VPS13D: variants seen among roughly 807,000 people sequenced by gnomAD.
The protein encoded by VPS13D is intermembrane lipid transfer protein VPS13D.
In VPS13D, 187 loss-of-function variants were observed where a neutral mutation model predicts 461.9. That is an observed-to-expected ratio of 0.40 (90% confidence interval 0.36 to 0.46). The LOEUF is 0.46. VPS13D is among the 20% of genes least tolerant of loss of function. The pLI is 0.60. For synonymous variants in VPS13D, 1,951 were observed against 1,986.3 expected (o/e 0.98, Z 0.47); for missense variants, 4,711 against 5,364.9 (o/e 0.88, Z 3.81).
chr1:12,232,637 CTTTTTTTTTTT>C (rs772757546), intron 1 of VPS13D, among the ~76,000 whole-genome samples: 20 of 71,026 alleles, frequency 2.8e-4, no homozygotes, highest in East Asian at 1.2e-3. Flanking sequence ...TAAAATTAGT[CTTTTTTTTTTT>C]TTTTTTTTTT....
chr1:12,305,357 A>G (rs1336809828), intron 26 of VPS13D, among the ~76,000 whole-genome samples: 1 of 151,894 alleles, frequency 6.6e-6, no homozygotes, highest in Non-Finnish European at 1.5e-5. Flanking sequence ...TTACTGCAGC[A>G]CTGACCTCCT....
At chr1:12,441,484 G>T (rs995021065) in intron 65 of VPS13D, among the ~76,000 whole-genome samples, 3 of 152,178 alleles carry the variant, frequency 2.0e-5, no homozygotes, top group African/African-American at 7.2e-5. Flanking sequence ...TCACACAACA[G>T]TCGGATACCC....
intron 67 of VPS13D, among the ~76,000 whole-genome samples, chr1:12,472,438 T>C (rs1645575527): frequency 6.6e-6 from 1 of 152,224 alleles, no homozygotes; most frequent in African/African-American, 2.4e-5. Flanking sequence ...GCCTATCTGT[T>C]TCTCCTTTAT....
chr1:12,289,772 C>G (rs1399262998), intron 22 of VPS13D, among the ~76,000 whole-genome samples: 1 of 151,730 alleles, frequency 6.6e-6, no homozygotes, highest in African/African-American at 2.4e-5. Flanking sequence ...CTCATCTCTA[C>G]AAAAATAGTA....
At chr1:12,413,617 G>T (rs545622450) in intron 63 of VPS13D, among the ~76,000 whole-genome samples, 1 of 152,072 alleles carries the variant, frequency 6.6e-6, no homozygotes, top group Non-Finnish European at 1.5e-5. Flanking sequence ...GACTACAGGC[G>T]CACGCCACCA....
intron 32 of VPS13D, among the ~76,000 whole-genome samples, chr1:12,320,286 C>A (rs79691345): frequency 0.044 from 6,682 of 152,178 alleles, 218 homozygotes; most frequent in South Asian, 0.093. Context: ...TCTTGTTAAG[C>A]CATGGGGTGT....
At chr1:12,406,480 C>T (rs1288088418) in intron 63 of VPS13D, among the ~76,000 whole-genome samples, 1 of 152,122 alleles carries the variant, frequency 6.6e-6, no homozygotes, top group Non-Finnish European at 1.5e-5. Context: ...GACTCCAGGC[C>T]AGAAGTGAGA....
At chr1:12,335,039 A>T (rs1377163050) in intron 38 of VPS13D, among the ~76,000 whole-genome samples, 1 of 152,202 alleles carries the variant, frequency 6.6e-6, no homozygotes, top group Admixed American at 6.5e-5. Flanking sequence ...GTTTTTGTTA[A>T]CCTGCTATCC....
At chr1:12,499,663 G>A (rs1646008644) in intron 68 of VPS13D, 1 of 985,322 alleles carries the variant, frequency 1.0e-6, no homozygotes, top group Admixed American at 6.1e-5. Context: ...TGACTTTAAA[G>A]ATGAAAACCA....
chr1:12,346,861 T>A (rs28510845), intron 44 of VPS13D, among the ~76,000 whole-genome samples: 1,837 of 152,338 alleles, frequency 0.012, 18 homozygotes, highest in Non-Finnish European at 0.021. Flanking sequence ...TGAGACTAAG[T>A]ATTACAGGGA....
At chr1:12,428,122 A>T (rs1024083152) in intron 65 of VPS13D, among the ~76,000 whole-genome samples, 6 of 152,200 alleles carry the variant, frequency 3.9e-5, no homozygotes, top group African/African-American at 1.4e-4. Flanking sequence ...AGTGTTGGGG[A>T]TGAGGGAGAA....
Position 12,385,276 on chromosome 1 carries a change from A to G in VPS13D, c.11387A>G (p.His3796Arg). 1 of 1,613,646 alleles carries G rather than the reference A, an allele frequency of 6.2e-7. No homozygotes were observed. Among genetic ancestry groups the G allele is most frequent in the Non-Finnish European group, 8.5e-7 (1 of 1,179,816 alleles). Residue 3796 changes from histidine to arginine, a missense_variant, in exon 59 of 70, where the codon CAC becomes CGC. Around this residue, in one of 3 missense-constraint regions of VPS13D, gnomAD observed 4,411 missense variants for 4,937.8 expected, o/e 0.89. Transcript: ENST00000620676. Reference protein sequence around the residue: ...TRALQITDFCHRKSSRSYEVD... With the variant: ...TRALQITDFCRRKSSRSYEVD... ...TGACTTCAGATAACAGATTTCTGCC[A>G]CCGGAAAAGCAGCCGTTCATATGAA...
Position 12,401,699 on chromosome 1 carries a change from A to G in VPS13D, c.11876A>G (p.Glu3959Gly). ...AGTTTCTTTGGCTACGATCAAGCAG[A>G]ATCAGGTAATGTTGAATGTTCTATG... ...LLSFFGYDQA[E>G]SEVEKYDENL... The change falls in exon 62 of 70, where the codon GAA becomes GGA. Residue 3959 changes from glutamate (E) to glycine (G), a missense_variant. Transcript: ENST00000620676. 6.2e-7 allele frequency: 1 copy of G among 1,612,736 alleles called. No individual in the cohort carries two copies. Among genetic ancestry groups the G allele is most frequent in the Non-Finnish European group, 8.5e-7 (1 of 1,178,846 alleles).
intron 67 of VPS13D, among the ~76,000 whole-genome samples, chr1:12,487,728 T>A (rs1645817354): frequency 1.3e-5 from 2 of 152,144 alleles, no homozygotes; most frequent in African/African-American, 4.8e-5. Context: ...GCTTCAGGGC[T>A]TCCCAGGGGA....
chr1:12,267,774 A>G (rs965702781), intron 14 of VPS13D, 71 bp from the exon 15 acceptor site: 24 of 1,360,036 alleles, frequency 1.8e-5, no homozygotes, highest in Non-Finnish European at 2.5e-5. Flanking sequence ...CTGAAGGGTA[A>G]GATGGGTTTG....
intron 2 of VPS13D, among the ~76,000 whole-genome samples, chr1:12,239,690 CT>C (rs1640282241): frequency 6.6e-6 from 1 of 152,200 alleles, no homozygotes; most frequent in South Asian, 2.1e-4. Flanking sequence ...CTTAGGTTGA[CT>C]CTTTAAATAA....
At chr1:12,348,795 C>T in intron 44 of VPS13D, 28 bp from the exon 45 acceptor site, 1 of 1,609,282 alleles carries the variant, frequency 6.2e-7, no homozygotes, top group Non-Finnish European at 8.5e-7. Context: ...AGAAACATAA[C>T]TATTTTGTCT....
intron 58 of VPS13D, 87 bp downstream of exon 58, chr1:12,383,242 T>C: frequency 7.5e-7 from 1 of 1,325,944 alleles, no homozygotes; most frequent in Non-Finnish European, 1.0e-6. Flanking sequence ...TTATTGAACA[T>C]GTTTATGCCA....
chr1:12,402,129 G>A (rs1462289157), intron 62 of VPS13D, among the ~76,000 whole-genome samples: 2 of 152,192 alleles, frequency 1.3e-5, no homozygotes, highest in Non-Finnish European at 2.9e-5. Context: ...CTTTGGTTTA[G>A]TTGAGAAAAT....
Sources: gnomAD v4.1 joint callset for allele counts (sites outside exome capture counted in the v4.1 genomes callset) on GRCh38, gnomAD v4.1.1 for gene constraint, gnomAD v4.1.1 regional missense constraint, MANE v1.5 for transcripts, NCBI Gene and HGNC (gene_info 2026-07-23, HGNC 2026-07-21) for gene names.